ZNF324: variants seen among roughly 807,000 people sequenced by gnomAD.
The protein encoded by ZNF324 is zinc finger protein 324.
In ZNF324, 3 loss-of-function variants were observed where a neutral mutation model predicts 10.3. That is an observed-to-expected ratio of 0.29 (90% CI 0.13 to 0.75). The LOEUF is 0.75. Among genes scored for constraint, ZNF324 ranks in the 30% least tolerant of loss-of-function variants. ZNF324 has a pLI of 0.69. For synonymous variants in ZNF324, 430 were observed against 339.5 expected (o/e 1.27, Z -2.93); for missense variants, 763 against 784.4 (o/e 0.97, Z 0.33).
rs1013562358 is a variant in ZNF324 at position 58,472,519 on chromosome 19, G to A, written c.*365G>A. On this transcript the variant is annotated 3_prime_UTR_variant, in exon 4 of 4. Transcript: ENST00000196482. ...TGAGAGGGATGCAGGCATGGGTTGG[G>A]GGTGGCCCAGAGAAACTTATGACAG... The A allele has an allele frequency of 4.8e-5, 11 of 230,618 alleles. No individual in the cohort carries two copies. Among genetic ancestry groups the A allele is most frequent in the Non-Finnish European group, 9.3e-5 (11 of 117,930 alleles). The allele number at this position is 230,618 out of a possible 1,614,324, so 14.3% of individuals were successfully genotyped here.
chr19:58,470,706 GC>G (rs2053021647), intron 3 of ZNF324, 24 bp from the exon 4 acceptor site: 4 of 1,614,122 alleles, frequency 2.5e-6, no homozygotes, highest in Admixed American at 3.3e-5. Flanking sequence ...GATGCCCCAG[GC>G]AACCACTGTT....
At chr19:58,469,398 G>A in intron 2 of ZNF324, 92 bp downstream of exon 2, 1 of 1,518,018 alleles carries the variant, frequency 6.6e-7, no homozygotes, top group East Asian at 2.3e-5. Context: ...TGACGAGCAG[G>A]CCTATACCTT....
intron 1 of ZNF324, among the ~76,000 whole-genome samples, chr19:58,468,612 G>A (rs987441807): frequency 6.6e-6 from 1 of 152,160 alleles, no homozygotes. Flanking sequence ...TACAAGAGCA[G>A]GAAGGGTGCA....
At chr19:58,467,637 C>G (rs1599994173) in intron 1 of ZNF324, 1 of 152,246 alleles carries the variant, frequency 6.6e-6, no homozygotes, top group Admixed American at 6.5e-5. Context: ...TCAGTGCAAA[C>G]TCCTGCGTCC....
rs1568611388 is a variant in ZNF324, at chr19:58,470,500, G to GT, written c.239-230dup. On this transcript the variant is annotated intron_variant, in intron 3 of 3. Coordinates refer to ENST00000196482, the MANE Select transcript of ZNF324 (RefSeq NM_014347.3). ...TTTTCCTCAGCTTCACATCCTGGGT[G>GT]TCGGGGGGCTGCCACCTTGATCATG... 3 of 647,204 alleles carry GT rather than the reference G, an allele frequency of 4.6e-6. No homozygotes were observed. The Admixed American group carries it at 6.9e-5, about 15-fold the overall frequency. 40.1% of individuals were successfully genotyped at this position (647,204 alleles called of 1,614,324 possible).
chr19:58,470,553 C>CACTGGGCA, intron 3 of ZNF324, 178 bp from the exon 4 acceptor site: 2 of 765,364 alleles, frequency 2.6e-6, no homozygotes, highest in Non-Finnish European at 4.6e-6. Flanking sequence ...CAGTGCCATA[C>CACTGGGCA]CTATCAGGGC....
chr19:58,469,695 G>C (rs761928582), intron 2 of ZNF324, 33 bp from the exon 3 acceptor site: 2 of 1,530,644 alleles, frequency 1.3e-6, no homozygotes, highest in Admixed American at 3.9e-5. Flanking sequence ...CTTGAGCTGG[G>C]GCTGGACTCT....
In ZNF324 at chr19:58,474,948, C is replaced by T. The variant is rs1477832893; in HGVS notation, c.*2794C>T. 1 of 152,226 alleles carries T rather than the reference C, an allele frequency of 6.6e-6. No homozygotes were observed. The highest frequency in any genetic ancestry group is 6.5e-5 in the Admixed American group (1 of 15,272). The allele number at this position is 152,226 out of a possible 1,614,324, so 9.4% of individuals were successfully genotyped here. ...CGCAGAAGGCTGAGAACCAGCAGCC[C>T]AGAGACGGGAGACCTATATCAAAGC... On this transcript the variant is annotated 3_prime_UTR_variant, in exon 4 of 4. Transcript: ENST00000196482.
Position 58,470,904 on chromosome 19 carries a change from G to C in ZNF324, c.412G>C (p.Gly138Arg). 6.2e-7 allele frequency: 1 copy of C among 1,614,232 alleles called. No individual in the cohort carries two copies. The highest frequency in any genetic ancestry group is 8.5e-7 in the Non-Finnish European group (1 of 1,180,046). ...CCCATCTCGGGAGAGAAAACCCACG[G>C]GGGTGTCGGTGATCTACTGGGAGAG... is the stretch of plus-strand genomic sequence containing the variant. ...ASPSRERKPT[G>R]VSVIYWERLL... The change falls in exon 4 of 4, where the codon GGG (glycine) becomes CGG (arginine). Residue 138 changes from glycine to arginine, a missense_variant. Gly to Arg is a moderately radical substitution (Grantham distance 125). Coordinates refer to ENST00000196482, the MANE Select transcript of ZNF324 (RefSeq NM_014347.3).
chr19:58,469,467 T>C (rs1181219801), intron 2 of ZNF324, among the ~76,000 whole-genome samples, 161 bp downstream of exon 2: 1 of 152,242 alleles, frequency 6.6e-6, no homozygotes, highest in Non-Finnish European at 1.5e-5. Context: ...TCTGGTTGGC[T>C]CAACCACTCC....
At chr19:58,467,644 G>C (rs1430211682) in intron 1 of ZNF324, 1 of 152,190 alleles carries the variant, frequency 6.6e-6, no homozygotes, top group Non-Finnish European at 1.5e-5. Context: ...AAACTCCTGC[G>C]TCCAGGGCAC....
rs192677679 is a variant in ZNF324, at chr19:58,472,165, T to C, written c.*11T>C. ...CCAGCGGAGGTCTGAGGTCACAGGT[T>C]GCAGCCCTGGCCTTCTGTGAATCCC... On this transcript the variant is annotated 3_prime_UTR_variant, in exon 4 of 4. Coordinates refer to ENST00000196482, the MANE Select transcript of ZNF324 (RefSeq NM_014347.3). 1.9e-6 allele frequency: 3 copies of C among 1,561,092 alleles called. No individual in the cohort carries two copies. Among genetic ancestry groups the C allele is most frequent in the East Asian group, 4.5e-5 (2 of 44,278 alleles).
chr19:58,470,986 C>A lies in ZNF324; in HGVS notation c.494C>A (p.Pro165Gln), dbSNP rs375263739. The change falls in exon 4 of 4, where the codon CCG becomes CAG. Residue 165 changes from proline to glutamine, a missense_variant. Physicochemically the swap from Pro to Gln is moderately conservative, Grantham distance 76 (BLOSUM62 -1). Coordinates refer to ENST00000196482, the MANE Select transcript of ZNF324 (RefSeq NM_014347.3). ...AGCGTCAGCCTGCGACTGACCTCCCCGCTTAGGCCTCCCGAGGGCGTCCGG... is the reference window on the plus strand; with the variant it reads ...AGCGTCAGCCTGCGACTGACCTCCCAGCTTAGGCCTCCCGAGGGCGTCCGG... Reference protein sequence around the residue: ...QASVSLRLTSPLRPPEGVRLR... With the variant: ...QASVSLRLTSQLRPPEGVRLR... 9 of 1,614,086 alleles carry A rather than the reference C, an allele frequency of 5.6e-6. No homozygotes were observed. The highest frequency in any genetic ancestry group is 1.6e-4 in the Middle Eastern group (1 of 6,084).
At chr19:58,469,470 A>G (rs2053009016) in intron 2 of ZNF324, among the ~76,000 whole-genome samples, 164 bp downstream of exon 2, 1 of 152,156 alleles carries the variant, frequency 6.6e-6, no homozygotes, top group Non-Finnish European at 1.5e-5. Context: ...GGTTGGCTCA[A>G]CCACTCCCTG....
rs567312531 is a variant in ZNF324, at chr19:58,470,477, T to G, written c.239-254T>G. The G allele has an allele frequency of 6.0e-5, 37 of 613,076 alleles. No homozygotes were observed. In the East Asian group the frequency reaches 1.0e-3, roughly 17 times the overall value. 38.0% of individuals were successfully genotyped at this position (613,076 alleles called of 1,614,324 possible). On this transcript the variant is annotated intron_variant, in intron 3 of 3. Transcript: ENST00000196482. ...ATGCAGCATACAGCAGCCGCTAGTT[T>G]TCCTCAGCTTCACATCCTGGGTGTC...
chr19:58,472,117 C>T lies in ZNF324; in HGVS notation c.1625C>T (p.Ser542Leu), dbSNP rs778428124. The T allele has an allele frequency of 1.0e-5, 16 of 1,590,942 alleles. No individual in the cohort carries two copies. Among genetic ancestry groups the T allele is most frequent in the Non-Finnish European group, 1.3e-5 (15 of 1,169,742 alleles). The part of the protein sequence containing the change: ...PAKETEPTPA[S>L]GPAAVSQPAE... ...AAGGAAACCGAGCCCACTCCCGCCT[C>T]GGGCCCAGCCGCCGTCTCGCAGCCA... Residue 542 changes from serine to leucine, a missense_variant, in exon 4 of 4, where the codon TCG becomes TTG. Ser to Leu is a moderately radical substitution (Grantham distance 145, BLOSUM62 -2). Around this residue, in one of 3 missense-constraint regions of ZNF324, gnomAD observed 231 missense variants for 196.0 expected, o/e 1.18. Transcript: ENST00000196482.
Position 58,473,414 on chromosome 19 carries a change from G to GGAAAAAA in ZNF324, c.*1260_*1261insGAAAAAA, listed in dbSNP as rs1555790695. On this transcript the variant is annotated 3_prime_UTR_variant, in exon 4 of 4. Transcript: ENST00000196482. ...AAGGAAATTCATGTTCTCCTTAATGGAAAAAAAAAAAAAAAGACTACCATC... is the reference window on the plus strand; with the variant it reads ...AAGGAAATTCATGTTCTCCTTAATGGGAAAAAAAAAAAAAAAAAAAAAGACTACCATC... The GGAAAAAA allele has an allele frequency of 6.4e-3, 769 of 119,236 alleles. 17 individuals carry two copies. The highest frequency in any genetic ancestry group is 0.025 in the African/African-American group (750 of 29,608). The allele number at this position is 119,236 out of a possible 1,614,324, so 7.4% of individuals were successfully genotyped here.
chr19:58,469,456 G>C (rs1032662062), intron 2 of ZNF324, 150 bp downstream of exon 2: 4 of 1,164,098 alleles, frequency 3.4e-6, no homozygotes, highest in South Asian at 1.6e-5. Context: ...TAGACATGCA[G>C]TCTGGTTGGC....
chr19:58,470,833 G>T lies in ZNF324; in HGVS notation c.341G>T (p.Gly114Val), dbSNP rs200934507. The change falls in exon 4 of 4, where the codon GGT (glycine) becomes GTT (valine). Residue 114 changes from glycine (G) to valine (V), a missense_variant. Gly to Val is a moderately radical substitution (Grantham distance 109). Around this residue, in one of 3 missense-constraint regions of ZNF324, gnomAD observed 379 missense variants for 319.4 expected, o/e 1.19. Transcript: ENST00000196482. ...ACTACTAGCGTCTTCCCTGTTGCCG[G>T]TGCCTGCCACAGTGTAAAAAGCCTG... The part of the protein sequence containing the change: ...GMTTSVFPVA[G>V]ACHSVKSLQR... The T allele has an allele frequency of 1.2e-6, 2 of 1,614,052 alleles. No homozygotes were observed. Among genetic ancestry groups the T allele is most frequent in the Non-Finnish European group, 1.7e-6 (2 of 1,180,010 alleles).
Sources: allele counts gnomAD v4.1 joint callset (sites outside exome capture counted in the v4.1 genomes callset), GRCh38; gene constraint gnomAD v4.1.1; regional missense constraint gnomAD v4.1.1; transcripts MANE v1.5; gene names NCBI Gene and HGNC (gene_info 2026-07-23, HGNC 2026-07-21).